SIGIRR: variants seen among roughly 807,000 people sequenced by gnomAD.
The protein encoded by SIGIRR is single Ig and TIR domain containing.
A neutral mutation model predicts 45.6 loss-of-function variants in SIGIRR; 41 were observed. That is an observed-to-expected ratio of 0.90 (90% CI 0.70 to 1.17). The LOEUF (loss-of-function observed/expected upper bound fraction) is 1.17. Among genes scored for constraint, SIGIRR ranks in the 50% most tolerant of loss-of-function variants. The pLI is 0.00. For missense variants in SIGIRR, 599 were observed against 539.6 expected (o/e 1.11, Z -1.09); for synonymous variants, 298 against 239.0 (o/e 1.25, Z -2.28).
Position 407,926 on chromosome 11 carries a change from G to T in SIGIRR, c.372C>A (p.Ala124=). The T allele has an allele frequency of 6.2e-7, 1 of 1,611,440 alleles. No individual in the cohort carries two copies. Among genetic ancestry groups the T allele is most frequent in the South Asian group, 1.1e-5 (1 of 90,962 alleles). The part of the protein sequence containing the change: ...GPTSHVAAVL[A]SLLVLLALLL... ...GCAGGGCCAGCAGGACCAGGAGGGA[G>T]GCCAGCACCGCAGCCACGTGGCTTG... is the stretch of plus-strand genomic sequence containing the variant. Residue 124 remains alanine (A), a synonymous_variant, in exon 5 of 10, where the codon GCC becomes GCA. Transcript: ENST00000431843.
intron 6 of SIGIRR, 48 bp from the exon 7 acceptor site, chr11:407,212 G>A (rs1847364885): frequency 1.1e-6 from 1 of 876,168 alleles, no homozygotes. Context: ...GCGGGGGAGG[G>A]CGGGGCCGGA....
Position 407,111 on chromosome 11 carries a change from CCA to C in SIGIRR, c.677_678del (p.Val226GlyfsTer114). On this transcript the variant is annotated frameshift_variant, in exon 7 of 10. Transcript: ENST00000431843. LOFTEE classifies it high-confidence loss of function. The stretch of plus-strand genomic sequence containing the variant: ...CGGCTCAGGAAGGCGTCCGAAAGCA[CCA>C]CGATGAGGCGTCGGCAGCGGCTCAG... ...VNLSRCRRLI[V>X]VLSDAFLSRA... is the part of the protein sequence containing the mutation. The C allele has an allele frequency of 2.6e-6, 4 of 1,538,458 alleles. No individual in the cohort carries two copies. The Admixed American group carries it at 5.7e-5, about 22-fold the overall frequency.
At chr11:409,323 G>T in intron 2 of SIGIRR, 2 of 330,546 alleles carry the variant, frequency 6.1e-6, no homozygotes, top group South Asian at 2.7e-5. Flanking sequence ...AGAGAGTGTG[G>T]GCACCAGTGG....
intron 1 of SIGIRR, among the ~76,000 whole-genome samples, chr11:414,433 C>T (rs1041707014): frequency 5.3e-5 from 8 of 151,112 alleles, no homozygotes; most frequent in African/African-American, 1.7e-4. Flanking sequence ...ACATCACATA[C>T]ACACAGCCCT....
rs1216660925 is a variant in SIGIRR, at chr11:408,055, T to G, written c.340+18A>C. On this transcript the variant is annotated intron_variant, in intron 4 of 9. Transcript: ENST00000431843. ...TCTAGGTCCCCTTCTACCCTCCACCTTGGGGAACCCCCATCACCAGCTCTC... is the reference window on the plus strand; with the variant it reads ...TCTAGGTCCCCTTCTACCCTCCACCGTGGGGAACCCCCATCACCAGCTCTC... The G allele has an allele frequency of 1.2e-6, 2 of 1,612,508 alleles. No homozygotes were observed. Among genetic ancestry groups the G allele is most frequent in the Non-Finnish European group, 8.5e-7 (1 of 1,179,828 alleles).
chr11:408,126 A>G lies in SIGIRR; in HGVS notation c.287T>C (p.Phe96Ser). 1 of 1,612,794 alleles carries G rather than the reference A, an allele frequency of 6.2e-7. No homozygotes were observed. The highest frequency in any genetic ancestry group is 8.5e-7 in the Non-Finnish European group (1 of 1,179,952). Residue 96 changes from phenylalanine (F) to serine (S), a missense_variant, in exon 4 of 10, where the codon TTC becomes TCC. Coordinates refer to ENST00000431843, the MANE Select transcript of SIGIRR (RefSeq NM_001135054.2). ...NVTSTEVYGA[F>S]TCSIQNISFS... ...GCTGATGTTCTGGATGGAGCAGGTGAAGGCCCCATAGACTTCAGTGCTGGT... is the reference window on the plus strand; with the variant it reads ...GCTGATGTTCTGGATGGAGCAGGTGGAGGCCCCATAGACTTCAGTGCTGGT...
rs1847436930 is a variant in SIGIRR, at chr11:408,145, T to C, written c.268A>G (p.Thr90Ala). 6.2e-7 allele frequency: 1 copy of C among 1,612,666 alleles called. No homozygotes were observed. The highest frequency in any genetic ancestry group is 1.1e-5 in the South Asian group (1 of 91,094). The change falls in exon 4 of 10, where the codon ACT (threonine) becomes GCT (alanine). Residue 90 changes from threonine to alanine, a missense_variant. Transcript: ENST00000431843. Reference sequence around the variant, plus strand: ...CAGGTGAAGGCCCCATAGACTTCAGTGCTGGTCACGTTGACCCCCAGGACA... The same window carrying C: ...CAGGTGAAGGCCCCATAGACTTCAGCGCTGGTCACGTTGACCCCCAGGACA... ...SSVLGVNVTS[T>A]EVYGAFTCSI...
At chr11:413,288 C>T (rs541636058) in intron 1 of SIGIRR, among the ~76,000 whole-genome samples, 3 of 152,138 alleles carry the variant, frequency 2.0e-5, no homozygotes, top group African/African-American at 4.8e-5. Flanking sequence ...CCTCGGGAAC[C>T]GATACAGCAT....
chr11:406,579 C>A, intron 8 of SIGIRR, 41 bp from the exon 9 acceptor site: 1 of 1,563,104 alleles, frequency 6.4e-7, no homozygotes, highest in South Asian at 1.2e-5. Context: ...GTGAACACCT[C>A]GGAAGCCCCT....
rs959221278 is a variant in SIGIRR at position 407,405 on chromosome 11, C to T, written c.625+20G>A. The T allele has an allele frequency of 2.1e-6, 2 of 936,108 alleles. No individual in the cohort carries two copies. The highest frequency in any genetic ancestry group is 2.8e-6 in the Non-Finnish European group (2 of 703,462). The allele number at this position is 936,108 out of a possible 1,614,324, so 58.0% of individuals were successfully genotyped here. A position where few individuals can be genotyped will look rare whatever the true frequency, so the allele number is the denominator to read the frequency against. On this transcript the variant is annotated intron_variant, in intron 6 of 9. Coordinates refer to ENST00000431843, the MANE Select transcript of SIGIRR (RefSeq NM_001135054.2). ...GCGGGCCCTCCGGGTGGGCGGGGCA[C>T]GGGGTGGGGCCCGGGATACCAGCGC...
chr11:408,620 G>C, intron 3 of SIGIRR, 75 bp downstream of exon 3: 2 of 1,553,180 alleles, frequency 1.3e-6, no homozygotes, highest in African/African-American at 2.7e-5. Flanking sequence ...TACAGACCCA[G>C]GCATAGGTCA....
In SIGIRR at chr11:408,905, G is replaced by C; in HGVS notation, c.8-12C>G. On this transcript the variant is annotated splice_polypyrimidine_tract_variant and intron_variant, in intron 2 of 9. Transcript: ENST00000431843. ...CCTATCACAGACACCTGAAGAGAGA[G>C]GACACAGTGGGTCAGCTGTGCCAGG... The C allele has an allele frequency of 3.1e-6, 5 of 1,611,912 alleles. No individual in the cohort carries two copies. The highest frequency in any genetic ancestry group is 4.2e-6 in the Non-Finnish European group (5 of 1,179,718).
At chr11:407,309 G>T in intron 6 of SIGIRR, 116 bp downstream of exon 6, 1 of 836,726 alleles carries the variant, frequency 1.2e-6, no homozygotes, top group Non-Finnish European at 1.7e-6. Context: ...GCCTCGGGTG[G>T]GCGGGGATGG....
chr11:408,326 C>T lies in SIGIRR; in HGVS notation c.207-120G>A, dbSNP rs1203016650. The stretch of plus-strand genomic sequence containing the variant: ...TTGGGCCTCCTGGGTGGTTCTTGGG[C>T]CTTAAGCCAAGAGAAGTGACCTGAA... On this transcript the variant is annotated intron_variant, in intron 3 of 9. Coordinates refer to ENST00000431843, the MANE Select transcript of SIGIRR (RefSeq NM_001135054.2). 4 of 1,356,536 alleles carry T rather than the reference C, an allele frequency of 2.9e-6. No homozygotes were observed. In the East Asian group the frequency reaches 7.0e-5, roughly 24 times the overall value. The allele number at this position is 1,356,536 out of a possible 1,614,324, so 84.0% of individuals were successfully genotyped here.
At chr11:411,763 A>G (rs112505986) in intron 1 of SIGIRR, among the ~76,000 whole-genome samples, 157 of 32,240 alleles carry the variant, frequency 4.9e-3, no homozygotes, top group South Asian at 7.9e-3. Flanking sequence ...GCAGTCGGGG[A>G]GGGGTGCTCA....
At chr11:414,503 C>T (rs1305112725) in intron 1 of SIGIRR, among the ~76,000 whole-genome samples, 1 of 151,936 alleles carries the variant, frequency 6.6e-6, no homozygotes, top group African/African-American at 2.4e-5. Flanking sequence ...CTTGCACCTC[C>T]TACACAGCAC....
chr11:406,951 G>A lies in SIGIRR; in HGVS notation c.771C>T (p.Ile257=), dbSNP rs745849669. ...GCCTCTGGCCCTCGAAGGTGATGAA[G>A]ATGGGTCTGCGGGTGAGCTCCAGCA... ...CRLLELTRRP[I]FITFEGQRRD... Residue 257 remains isoleucine (I), a synonymous_variant, in exon 8 of 10, where the codon ATC becomes ATT. Transcript: ENST00000431843. The A allele has an allele frequency of 3.1e-6, 5 of 1,602,854 alleles. No individual in the cohort carries two copies. Among genetic ancestry groups the A allele is most frequent in the East Asian group, 2.2e-5 (1 of 44,638 alleles).
chr11:415,249 T>TGTGTGC (rs1187654664), upstream of SIGIRR, among the ~76,000 whole-genome samples: 3 of 119,044 alleles, frequency 2.5e-5, no homozygotes, highest in Non-Finnish European at 5.2e-5. The surrounding 1 kb of genome is among the most constrained non-coding windows in gnomAD (Gnocchi z 6.6). Flanking sequence ...TGTGTGTGTG[T>TGTGTGC]GCAGTGTGTC....
chr11:409,993 A>G lies in SIGIRR; in HGVS notation c.-119T>C. 4 of 1,246,774 alleles carry G rather than the reference A, an allele frequency of 3.2e-6. No homozygotes were observed. The highest frequency in any genetic ancestry group is 4.0e-6 in the Non-Finnish European group (4 of 994,776). The allele number at this position is 1,246,774 out of a possible 1,614,324, so 77.2% of individuals were successfully genotyped here. A position where few individuals can be genotyped will look rare whatever the true frequency, so the allele number is the denominator to read the frequency against. On this transcript the variant is annotated 5_prime_UTR_variant, in exon 2 of 10. Transcript: ENST00000431843. ...GGGCAGGACTCCTCTCTGTCCTTGC[A>G]GTCAGCTGGACAGGGCACCTGGACA...
Sources: allele counts gnomAD v4.1 joint callset (sites outside exome capture counted in the v4.1 genomes callset), GRCh38; gene constraint gnomAD v4.1.1; non-coding constraint Gnocchi (gnomAD v3.1); transcripts MANE v1.5; gene names NCBI Gene and HGNC (gene_info 2026-07-23, HGNC 2026-07-21).